The following JAM3 variants were observed in gnomAD, a reference collection of about 807,000 sequenced individuals.
JAM3 encodes the protein junctional adhesion molecule 3.
Under a neutral mutation model 39.4 loss-of-function variants are expected in JAM3, and 31 were observed. The observed-to-expected ratio is 0.79, with a 90% CI of 0.59 to 1.06. The LOEUF (loss-of-function observed/expected upper bound fraction) is 1.06, where lower values mean the gene tolerates loss of function less well. JAM3 is among the 50% of genes least tolerant of loss of function. The probability of loss-of-function intolerance (pLI) is 0.00; values close to 1 mark genes in which losing one functional copy is unlikely to be tolerated. For synonymous variants in JAM3, 182 were observed against 148.7 expected, an observed-to-expected ratio of 1.22 and a Z score of -1.63; for missense variants, 455 against 391.4, an observed-to-expected ratio of 1.16 and a Z score of -1.37.
intron 1 of JAM3, among the ~76,000 whole-genome samples, chr11:134,116,427 A>G (rs935801547): frequency 1.3e-5 from 2 of 152,176 alleles, no homozygotes; most frequent in African/African-American, 2.4e-5. Flanking sequence ...ATTTATGCAT[A>G]TTAGTGTGGA....
intron 1 of JAM3, among the ~76,000 whole-genome samples, chr11:134,112,126 G>A (rs1591789342): frequency 1.3e-5 from 2 of 152,168 alleles, no homozygotes; most frequent in African/African-American, 4.8e-5. Context: ...TCGCTCTGTT[G>A]CCCAGTATGG....
chr11:134,107,387 C>T (rs936066119), intron 1 of JAM3, among the ~76,000 whole-genome samples: 7 of 151,930 alleles, frequency 4.6e-5, no homozygotes, highest in South Asian at 2.1e-4. Context: ...ATGTAAATGA[C>T]GAGTTAATGG....
At chr11:134,124,063 A>G in intron 1 of JAM3, 1 of 1,464,190 alleles carries the variant, frequency 6.8e-7, no homozygotes, top group South Asian at 1.1e-5. Context: ...TCTTCACAGA[A>G]TTTGGTTTAT....
At chr11:134,124,251 GT>G (rs1307953971) in intron 1 of JAM3, 1 of 1,086,072 alleles carries the variant, frequency 9.2e-7, no homozygotes, top group East Asian at 2.4e-5. Context: ...CTCGTTGAGA[GT>G]AGCACTGGTA....
chr11:134,098,670 T>G (rs971635171), intron 1 of JAM3, among the ~76,000 whole-genome samples: 7 of 152,166 alleles, frequency 4.6e-5, no homozygotes, highest in Non-Finnish European at 7.3e-5. Context: ...AACTCATGAA[T>G]TAGACAAATA....
chr11:134,105,674 G>A (rs1035840054), intron 1 of JAM3, among the ~76,000 whole-genome samples: 7 of 151,804 alleles, frequency 4.6e-5, no homozygotes, highest in African/African-American at 1.5e-4. Context: ...CAAAATCAAT[G>A]TCCAGACATC....
At position 134,145,992 on chromosome 11, in the gene JAM3, T is replaced by A; in HGVS notation, c.659T>A (p.Ile220Asn). The stretch of plus-strand genomic sequence containing the variant: ...GACGACTCTGGGCAGTACTACTGCA[T>A]TGCTTCCAATGACGCAGGCTCAGCC... ...HKDDSGQYYCIASNDAGSARC... is the reference protein window; with the variant it reads ...HKDDSGQYYCNASNDAGSARC... Residue 220 changes from isoleucine (I) to asparagine (N), a missense_variant, in exon 6 of 9, where the codon ATT becomes AAT. By Grantham distance (149) the Ile-to-Asn change is moderately radical (BLOSUM62 -3). Transcript: ENST00000299106. 1.9e-6 allele frequency: 3 copies of A among 1,614,144 alleles called. No individual in the cohort carries two copies. The highest frequency in any genetic ancestry group is 2.5e-6 in the Non-Finnish European group (3 of 1,179,984).
At chr11:134,075,634 C>A (rs1312759725) in intron 1 of JAM3, among the ~76,000 whole-genome samples, 1 of 152,058 alleles carries the variant, frequency 6.6e-6, no homozygotes, top group Non-Finnish European at 1.5e-5. Flanking sequence ...ACTATGTTCC[C>A]CAGTCTGATC....
chr11:134,131,666 C>T (rs545770680), intron 1 of JAM3, among the ~76,000 whole-genome samples: 26 of 152,106 alleles, frequency 1.7e-4, no homozygotes, highest in Admixed American at 1.3e-4. Flanking sequence ...TGCACAAACA[C>T]CTAAGGGGAG....
chr11:134,142,610 G>C (rs1437428373), intron 3 of JAM3, among the ~76,000 whole-genome samples: 2 of 152,096 alleles, frequency 1.3e-5, no homozygotes, highest in East Asian at 3.8e-4. Context: ...TATGTCTTAT[G>C]TTTAAAATGT....
rs563938968 is a variant in JAM3 at position 134,146,076 on chromosome 11, C to G, written c.712+31C>G. On this transcript the variant is annotated intron_variant, in intron 6 of 8. Transcript: ENST00000299106. ...TTTCTTTTTTGAAGAGGTTTCATCG[C>G]AAGACTGGGAAGTGAATAGAACATT... 250 of 1,370,454 alleles carry G rather than the reference C, an allele frequency of 1.8e-4. No individual in the cohort carries two copies. The South Asian group carries it at 2.7e-3, about 15-fold the overall frequency. The allele number at this position is 1,370,454 out of a possible 1,614,324, so 84.9% of individuals were successfully genotyped here. A position where few individuals can be genotyped will look rare whatever the true frequency, so the allele number is the denominator to read the frequency against.
intron 1 of JAM3, among the ~76,000 whole-genome samples, chr11:134,120,891 TGTTA>T (rs1184440901): frequency 1.3e-4 from 20 of 152,354 alleles, no homozygotes; most frequent in East Asian, 3.9e-4. Context: ...TAATATTTTA[TGTTA>T]GTTCTTTTTG....
chr11:134,093,513 A>T (rs1465195594), intron 1 of JAM3, among the ~76,000 whole-genome samples: 2 of 133,204 alleles, frequency 1.5e-5, no homozygotes, highest in Admixed American at 1.5e-4. Flanking sequence ...TCCCTGAGGG[A>T]AGCTTCTCCT....
At chr11:134,103,398 C>G (rs187696463) in intron 1 of JAM3, among the ~76,000 whole-genome samples, 2 of 152,302 alleles carry the variant, frequency 1.3e-5, no homozygotes, top group East Asian at 3.9e-4. Context: ...GTACCAGCCA[C>G]TGCAAAAACA....
intron 1 of JAM3, among the ~76,000 whole-genome samples, chr11:134,098,809 T>C (rs1405572778): frequency 6.6e-6 from 1 of 152,162 alleles, no homozygotes; most frequent in East Asian, 1.9e-4. Context: ...CAGTAAGCAC[T>C]CCTTCAGCTA....
chr11:134,135,546 T>C (rs200469686), intron 1 of JAM3, among the ~76,000 whole-genome samples: 1 of 151,284 alleles, frequency 6.6e-6, no homozygotes, highest in Non-Finnish European at 1.5e-5. Flanking sequence ...TTTTTTTTTT[T>C]CTTTTTTTTG....
chr11:134,104,821 T>C (rs930035833), intron 1 of JAM3, among the ~76,000 whole-genome samples: 4 of 152,138 alleles, frequency 2.6e-5, no homozygotes, highest in African/African-American at 7.2e-5. Flanking sequence ...GTTGAATCCC[T>C]GAATAGACCA....
At chr11:134,099,153 A>G (rs1242220290) in intron 1 of JAM3, among the ~76,000 whole-genome samples, 1 of 152,144 alleles carries the variant, frequency 6.6e-6, no homozygotes, top group East Asian at 1.9e-4. Flanking sequence ...GTGAGCTGTG[A>G]TCATGCCACT....
At chr11:134,118,777 T>C (rs753791738) in intron 1 of JAM3, among the ~76,000 whole-genome samples, 4 of 152,192 alleles carry the variant, frequency 2.6e-5, no homozygotes, top group Non-Finnish European at 5.9e-5. Flanking sequence ...ATGGCAATAA[T>C]TTCCTCCCCA....
Sources: gnomAD v4.1 joint callset for allele counts (sites outside exome capture counted in the v4.1 genomes callset) on GRCh38, gnomAD v4.1.1 for gene constraint, MANE v1.5 for transcripts, NCBI Gene and HGNC (gene_info 2026-07-23, HGNC 2026-07-21) for gene names.